The following SQSTM1 variants were observed in gnomAD, a reference collection of about 807,000 sequenced individuals.
SQSTM1 encodes sequestosome 1, also known as sequestosome-1.
SQSTM1 carries 36 observed loss-of-function variants against 45.1 expected under a neutral mutation model. That is an observed-to-expected ratio of 0.80 (90% CI 0.61 to 1.05). The LOEUF (loss-of-function observed/expected upper bound fraction) is 1.05. SQSTM1 is among the 50% of genes least tolerant of loss of function. The pLI, the probability that SQSTM1 is intolerant of heterozygous loss-of-function variation, is 0.00. For synonymous variants in SQSTM1, 290 were observed against 244.3 expected, an observed-to-expected ratio of 1.19 and a Z score of -1.74; for missense variants, 617 against 607.1, an observed-to-expected ratio of 1.02 and a Z score of -0.17.
chr5:179,820,891 C>T (rs1368158424), upstream of SQSTM1: 1 of 1,440,464 alleles, frequency 6.9e-7, no homozygotes, highest in Non-Finnish European at 9.2e-7. Flanking sequence ...AGCCGCGCGG[C>T]GGCTGCGACC....
In SQSTM1 at chr5:179,820,958, G is replaced by A. The variant is rs745545107; in HGVS notation, c.22G>A (p.Ala8Thr). 13 of 1,571,580 alleles carry A rather than the reference G, an allele frequency of 8.3e-6. No individual in the cohort carries two copies. The African/African-American group carries it at 9.8e-5, about 12-fold the overall frequency. ...CGCTATGGCGTCGCTCACCGTGAAG[G>A]CCTACCTTCTGGGCAAGGAGGACGC... MASLTVK[A>T]YLLGKEDAAR... Residue 8 changes from alanine to threonine, a missense_variant, in exon 1 of 8, where the codon GCC becomes ACC. Coordinates refer to ENST00000389805, the MANE Select transcript of SQSTM1 (RefSeq NM_003900.5).
At chr5:179,809,829 A>G (rs1757341598) in intron 1 of SQSTM1, among the ~76,000 whole-genome samples, 1 of 150,912 alleles carries the variant, frequency 6.6e-6, no homozygotes, top group African/African-American at 2.4e-5. Context: ...TTTTTAGTAG[A>G]GATGGGGTTT....
At chr5:179,818,012 CAAAAAAAAAAAAA>C (rs528143529), upstream of SQSTM1, among the ~76,000 whole-genome samples, 14 of 29,188 alleles carry the variant, frequency 4.8e-4, no homozygotes, top group South Asian at 1.8e-3. Flanking sequence ...GAGACTGTCT[CAAAAAAAAAAAAA>C]AAAAAAAAAA....
At chr5:179,827,938 G>T (rs1260029848) in intron 5 of SQSTM1, among the ~76,000 whole-genome samples, 1 of 152,106 alleles carries the variant, frequency 6.6e-6, no homozygotes, top group Non-Finnish European at 1.5e-5. Context: ...CTTTTGGTTG[G>T]GGGGCTGAGA....
chr5:179,814,191 T>G (rs1757514543), upstream of SQSTM1, among the ~76,000 whole-genome samples: 1 of 152,196 alleles, frequency 6.6e-6, no homozygotes, highest in South Asian at 2.1e-4. Context: ...CAGTTTAATT[T>G]GCAGGCCCCA....
At chr5:179,820,550 A>C, upstream of SQSTM1, 1 of 182,110 alleles carries the variant, frequency 5.5e-6, no homozygotes, top group Non-Finnish European at 1.1e-5. Flanking sequence ...AACTGAGGAT[A>C]TTGCTGAGTC....
At chr5:179,820,897 C>G (rs760877175), upstream of SQSTM1, 4 of 1,456,792 alleles carry the variant, frequency 2.7e-6, no homozygotes, top group Non-Finnish European at 3.6e-6. Flanking sequence ...GCGGCGGCTG[C>G]GACCGGGACG....
rs749485375 is a variant in SQSTM1, at chr5:179,837,436, T to C, written c.*843T>C. 7 of 1,608,566 alleles carry C rather than the reference T, an allele frequency of 4.4e-6. No homozygotes were observed. Among genetic ancestry groups the C allele is most frequent in the South Asian group, 1.1e-5 (1 of 90,704 alleles). The stretch of plus-strand genomic sequence containing the variant: ...CTTCCCCAGTTATAAAGAGGTCACA[T>C]AGTCGTGTGGGTCGAGGATTCTGTG... On this transcript the variant is annotated 3_prime_UTR_variant, in exon 8 of 8. Coordinates refer to ENST00000389805, the MANE Select transcript of SQSTM1 (RefSeq NM_003900.5).
intron 1 of SQSTM1, among the ~76,000 whole-genome samples, chr5:179,811,409 C>G (rs1757397646): frequency 2.4e-5 from 1 of 42,124 alleles, no homozygotes; most frequent in South Asian, 8.7e-4. Flanking sequence ...GGGGGAGGAG[C>G]TATGCAGGGG....
intron 1 of SQSTM1, among the ~76,000 whole-genome samples, chr5:179,808,722 G>A (rs1757296541): frequency 1.3e-5 from 2 of 152,168 alleles, no homozygotes; most frequent in Admixed American, 6.5e-5. Context: ...AGAGGCTAAG[G>A]CAGGAGGATC....
Position 179,837,956 on chromosome 5 carries a change from G to A in SQSTM1, c.*1363G>A. Reference sequence around the variant, plus strand: ...AGGGCCCAGGAGGACCGCCTGCCCTGCCTGGGCCTTGGCTGGGCCTCTGGT... The same window carrying A: ...AGGGCCCAGGAGGACCGCCTGCCCTACCTGGGCCTTGGCTGGGCCTCTGGT... On this transcript the variant is annotated 3_prime_UTR_variant, in exon 8 of 8. Transcript: ENST00000389805. 2.7e-6 allele frequency: 4 copies of A among 1,464,728 alleles called. No homozygotes were observed. Among genetic ancestry groups the A allele is most frequent in the Non-Finnish European group, 3.7e-6 (4 of 1,085,178 alleles). The allele number at this position is 1,464,728 out of a possible 1,614,324, so 90.7% of individuals were successfully genotyped here. A position where few individuals can be genotyped will look rare whatever the true frequency, so the allele number is the denominator to read the frequency against.
At chr5:179,823,445 CAAAAAAAAAAAAAAAAAAAAA>C (rs59899831) in intron 2 of SQSTM1, 25 of 55,900 alleles carry the variant, frequency 4.5e-4, no homozygotes, top group South Asian at 1.3e-3. Context: ...GCCTAGGCGA[CAAAAAAAAAAAAAAAAAAAAA>C]AAAAAAAAAA....
chr5:179,807,013 G>A (rs1757198663), intron 1 of SQSTM1: 2 of 151,464 alleles, frequency 1.3e-5, no homozygotes, highest in Admixed American at 6.6e-5. Flanking sequence ...GGATTTAAAG[G>A]GGCCGCAGCA....
At chr5:179,828,675 C>T (rs1428880357) in intron 5 of SQSTM1, among the ~76,000 whole-genome samples, 2 of 152,178 alleles carry the variant, frequency 1.3e-5, no homozygotes, top group Non-Finnish European at 2.9e-5. Flanking sequence ...TACCCGGCAG[C>T]TTCAACCTTT....
At position 179,837,389 on chromosome 5, in the gene SQSTM1, GATCACACATCATC is replaced by G. The variant is rs759284983; in HGVS notation, c.*800_*812del. 6.3e-7 allele frequency: 1 copy of G among 1,588,420 alleles called. No homozygotes were observed. The highest frequency in any genetic ancestry group is 1.1e-5 in the South Asian group (1 of 87,748). On this transcript the variant is annotated 3_prime_UTR_variant, in exon 8 of 8. Transcript: ENST00000389805. Reference sequence around the variant, plus strand: ...CTCGATTAATAACCTGCCAGTCCCAGATCACACATCATCATCGAAGTCTTCCCCAGTTATAAAG... The same window carrying G: ...CTCGATTAATAACCTGCCAGTCCCAGATCGAAGTCTTCCCCAGTTATAAAG...
intron 7 of SQSTM1, among the ~76,000 whole-genome samples, chr5:179,834,684 A>T (rs537923443): frequency 1.0e-3 from 157 of 152,254 alleles, no homozygotes; most frequent in Non-Finnish European, 1.5e-3. Flanking sequence ...AATCCATTTA[A>T]CCCTGAGTGG....
upstream of SQSTM1, among the ~76,000 whole-genome samples, chr5:179,816,391 G>A (rs1757577959): frequency 6.7e-6 from 1 of 149,552 alleles, no homozygotes; most frequent in Middle Eastern, 3.4e-3. Flanking sequence ...CTCGTGATCC[G>A]CCCACCTCGG....
chr5:179,826,093 G>T (rs989359693), intron 5 of SQSTM1, among the ~76,000 whole-genome samples: 9 of 152,272 alleles, frequency 5.9e-5, no homozygotes, highest in Admixed American at 1.3e-4. Context: ...GCTAGGAGGG[G>T]CGTCCGAACC....
rs764111892 is a variant in SQSTM1 at position 179,821,024 on chromosome 5, G to A, written c.88G>A (p.Glu30Lys). 4.5e-6 allele frequency: 7 copies of A among 1,563,508 alleles called. No homozygotes were observed. Among genetic ancestry groups the A allele is most frequent in the South Asian group, 1.2e-5 (1 of 86,614 alleles). ...CCGCTTCAGCTTCTGCTGCAGCCCCGAGCCTGAGGCGGAAGCCGAGGCTGC... is the reference window on the plus strand; with the variant it reads ...CCGCTTCAGCTTCTGCTGCAGCCCCAAGCCTGAGGCGGAAGCCGAGGCTGC... ...IRRFSFCCSP[E>K]PEAEAEAAAG... Residue 30 changes from glutamate (E) to lysine (K), a missense_variant, in exon 1 of 8, where the codon GAG (glutamate) becomes AAG (lysine). By Grantham distance (56) the Glu-to-Lys change is moderately conservative. Coordinates refer to ENST00000389805, the MANE Select transcript of SQSTM1 (RefSeq NM_003900.5).
Sources: allele counts gnomAD v4.1 joint callset (sites outside exome capture counted in the v4.1 genomes callset), GRCh38; gene constraint gnomAD v4.1.1; transcripts MANE v1.5; gene names NCBI Gene and HGNC (gene_info 2026-07-23, HGNC 2026-07-21).